SSRP1: variants seen among roughly 807,000 people sequenced by gnomAD.
The protein encoded by SSRP1 is FACT complex subunit SSRP1.
A neutral mutation model predicts 84.4 loss-of-function variants in SSRP1; 21 were observed. The ratio of observed to expected loss-of-function variants is 0.25; its 90% CI spans 0.18 to 0.36. The LOEUF is 0.36. Among genes scored for constraint, SSRP1 ranks in the 10% least tolerant of loss-of-function variants. The pLI is 1.00. For missense variants in SSRP1, 519 were observed against 900.8 expected, an observed-to-expected ratio of 0.58 and a Z score of 5.43; for synonymous variants, 319 against 318.3, an observed-to-expected ratio of 1.00 and a Z score of -0.02.
chr11:57,332,426 AGAG>A lies in SSRP1; in HGVS notation c.826_828del (p.Leu276del). On this transcript the variant is annotated inframe_deletion, in exon 7 of 17. Transcript: ENST00000278412. This position sits in a 1 kb window ranked among gnomAD's most constrained non-coding sequence, Gnocchi z 5.5. ...AACGAAATGTCCTCGTCCTTGGAGA[AGAG>A]GAGGATCAGGAAGTGGTAGCGAGTT... 2 of 1,614,150 alleles carry A rather than the reference AGAG, an allele frequency of 1.2e-6. No homozygotes were observed. The highest frequency in any genetic ancestry group is 1.7e-6 in the Non-Finnish European group (2 of 1,180,014).
At chr11:57,333,278 C>G in intron 4 of SSRP1, 129 bp from the exon 5 acceptor site, 1 of 1,174,344 alleles carries the variant, frequency 8.5e-7, no homozygotes, top group African/African-American at 1.5e-5. Flanking sequence ...ACCCCAACCC[C>G]AGGCAGTATA....
Position 57,332,607 on chromosome 11 carries a change from A to G in SSRP1, c.768+18T>C. Reference sequence around the variant, plus strand: ...AGGCAAAAACCAGGATTATCCGGCCATAGGGGTTTCTGCTTACCACAAAGA... The same window carrying G: ...AGGCAAAAACCAGGATTATCCGGCCGTAGGGGTTTCTGCTTACCACAAAGA... On this transcript the variant is annotated intron_variant, in intron 6 of 16. Transcript: ENST00000278412. The surrounding 1 kb of genome is among the most constrained non-coding windows in gnomAD (Gnocchi z 5.5). The G allele has an allele frequency of 1.2e-6, 2 of 1,608,810 alleles. No individual in the cohort carries two copies. The highest frequency in any genetic ancestry group is 1.3e-5 in the African/African-American group (1 of 74,958).
In SSRP1 at chr11:57,330,851, G is replaced by A. The variant is rs1156353247; in HGVS notation, c.1296+4C>T. 6.2e-7 allele frequency: 1 copy of A among 1,614,184 alleles called. No individual in the cohort carries two copies. Among genetic ancestry groups the A allele is most frequent in the Admixed American group, 1.7e-5 (1 of 60,030 alleles). ...AGGGTCTCATCCTCCCCACACAGAA[G>A]TACCTCTTTCAATCCTCGGTTTTTG... On this transcript the variant is annotated splice_donor_region_variant and intron_variant, in intron 10 of 16. Transcript: ENST00000278412. This position sits in a 1 kb window ranked among gnomAD's most constrained non-coding sequence, Gnocchi z 4.0.
rs1856076191 is a variant in SSRP1, at chr11:57,330,882, G to C, written c.1269C>G (p.Leu423=). 1.2e-6 allele frequency: 2 copies of C among 1,614,216 alleles called. No individual in the cohort carries two copies. The highest frequency in any genetic ancestry group is 2.2e-5 in the East Asian group (1 of 44,888). Residue 423 remains leucine (L), a synonymous_variant, in exon 10 of 17, where the codon CTC becomes CTG. Coordinates refer to ENST00000278412, the MANE Select transcript of SSRP1 (RefSeq NM_003146.3). This position sits in a 1 kb window ranked among gnomAD's most constrained non-coding sequence, Gnocchi z 4.0. ...CTTTCAATCCTCGGTTTTTGATGTT[G>C]AGCTTTTTCGCGTTGACAAAATCAA... ...KLFDFVNAKK[L]NIKNRGLKEG...
rs1590607144 is a variant in SSRP1 at position 57,330,208 on chromosome 11, G to A, written c.1436-70C>T. On this transcript the variant is annotated intron_variant, in intron 11 of 16. Coordinates refer to ENST00000278412, the MANE Select transcript of SSRP1 (RefSeq NM_003146.3). This position sits in a 1 kb window ranked among gnomAD's most constrained non-coding sequence, Gnocchi z 4.0. ...TCCCCCCACCTCACCCAGGCACCCA[G>A]CTCTGGCCCAAGGGTGAGTCCAGCC... 6.2e-7 allele frequency: 1 copy of A among 1,613,988 alleles called. No homozygotes were observed. Among genetic ancestry groups the A allele is most frequent in the African/African-American group, 1.3e-5 (1 of 75,054 alleles).
In SSRP1 at chr11:57,327,718, C is replaced by G. The variant is rs775776663; in HGVS notation, c.1776G>C (p.Lys592Asn). Reference sequence around the variant, plus strand: ...CTCCTCTGCTGCTACTCACCTCTTTCTTCTCTTTGGACATTCCCTTCCAGA... The same window carrying G: ...CTCCTCTGCTGCTACTCACCTCTTTGTTCTCTTTGGACATTCCCTTCCAGA... ...GEIWKGMSKE[K>N]KEEWDRKAED... The change falls in exon 14 of 17, where the codon AAG becomes AAC. Residue 592 changes from lysine to asparagine, a missense_variant. This residue lies in a region of SSRP1 where 197 missense variants were observed against 265.0 expected (regional missense o/e 0.74). Coordinates refer to ENST00000278412, the MANE Select transcript of SSRP1 (RefSeq NM_003146.3). 8.7e-6 allele frequency: 14 copies of G among 1,614,058 alleles called. No individual in the cohort carries two copies. The Admixed American group carries it at 2.3e-4, about 27-fold the overall frequency.
rs968597942 is a variant in SSRP1 at position 57,333,269 on chromosome 11, C to T, written c.347-120G>A. 6 of 1,222,120 alleles carry T rather than the reference C, an allele frequency of 4.9e-6. No individual in the cohort carries two copies. In the Admixed American group the frequency reaches 1.1e-4, roughly 22 times the overall value. 75.7% of individuals were successfully genotyped at this position (1,222,120 alleles called of 1,614,324 possible). On this transcript the variant is annotated intron_variant, in intron 4 of 16. Transcript: ENST00000278412. ...TGCGGTTAGTCTGTTTAGACTATAA[C>T]CCCAACCCCAGGCAGTATACTGTAG...
At chr11:57,328,659 T>C (rs1017996899) in intron 12 of SSRP1, 1 of 510,080 alleles carries the variant, frequency 2.0e-6, no homozygotes, top group Non-Finnish European at 3.3e-6. Context: ...TTGGAATTAA[T>C]GAATGAAAAA....
rs1856113160 is a variant in SSRP1 at position 57,332,472 on chromosome 11, G to A, written c.783C>T (p.Pro261=). The change falls in exon 7 of 17, where the codon CCC becomes CCT. Residue 261 remains proline, a synonymous_variant. Transcript: ENST00000278412. The surrounding 1 kb of genome is among the most constrained non-coding windows in gnomAD (Gnocchi z 5.5). Reference sequence around the variant, plus strand: ...AGCGAGTTTGGCCTTGCTTGATTGGGGGATCCAGGCTGATCTAGTAAGGAA... The same window carrying A: ...AGCGAGTTTGGCCTTGCTTGATTGGAGGATCCAGGCTGATCTAGTAAGGAA... ...RQMFFVISLD[P]PIKQGQTRYH... The A allele has an allele frequency of 5.6e-6, 9 of 1,613,898 alleles. No individual in the cohort carries two copies. The highest frequency in any genetic ancestry group is 7.6e-6 in the Non-Finnish European group (9 of 1,180,016).
chr11:57,330,149 G>A lies in SSRP1; in HGVS notation c.1436-11C>T. ...GGTTGAATGACTCATCTGAAAAAGG[G>A]CACAGGATGCATCAGCTTCTGCCCC... On this transcript the variant is annotated splice_polypyrimidine_tract_variant and intron_variant, in intron 11 of 16. Transcript: ENST00000278412. The surrounding 1 kb of genome is among the most constrained non-coding windows in gnomAD (Gnocchi z 4.0). 1 of 1,614,094 alleles carries A rather than the reference G, an allele frequency of 6.2e-7. No individual in the cohort carries two copies. Among genetic ancestry groups the A allele is most frequent in the Non-Finnish European group, 8.5e-7 (1 of 1,180,018 alleles).
chr11:57,326,318 G>T lies in SSRP1; in HGVS notation c.*89C>A. On this transcript the variant is annotated 3_prime_UTR_variant, in exon 17 of 17. Coordinates refer to ENST00000278412, the MANE Select transcript of SSRP1 (RefSeq NM_003146.3). ...TCAGATGGCACAGAATCCAGGGACTGCATTTCATGAGGAGAAACTGGTACC... is the reference window on the plus strand; with the variant it reads ...TCAGATGGCACAGAATCCAGGGACTTCATTTCATGAGGAGAAACTGGTACC... 1 of 1,250,718 alleles carries T rather than the reference G, an allele frequency of 8.0e-7. No individual in the cohort carries two copies. Among genetic ancestry groups the T allele is most frequent in the Non-Finnish European group, 1.2e-6 (1 of 858,492 alleles). The allele number at this position is 1,250,718 out of a possible 1,614,324, so 77.5% of individuals were successfully genotyped here.
In SSRP1 at chr11:57,332,221, T is replaced by C; in HGVS notation, c.932A>G (p.Tyr311Cys). The change falls in exon 8 of 17, where the codon TAT (tyrosine) becomes TGT (cysteine). Residue 311 changes from tyrosine (Y) to cysteine (C), a missense_variant. Physicochemically the swap from Tyr to Cys is radical, Grantham distance 194 (BLOSUM62 -2). This residue lies in a region of SSRP1 where 159 missense variants were observed against 359.0 expected (regional missense o/e 0.44). Coordinates refer to ENST00000278412, the MANE Select transcript of SSRP1 (RefSeq NM_003146.3). The surrounding 1 kb of genome is among the most constrained non-coding windows in gnomAD (Gnocchi z 5.5). ...RLTKNMSGSL[Y>C]EMVSRVMKAL... ...TTTCATGACCCGGCTGACCATCTCA[T>C]AGAGGGATCCTGACATGTTCTTGGT... 1.2e-6 allele frequency: 2 copies of C among 1,613,972 alleles called. No homozygotes were observed. Among genetic ancestry groups the C allele is most frequent in the Non-Finnish European group, 1.7e-6 (2 of 1,180,000 alleles).
In SSRP1 at chr11:57,332,286, A is replaced by G; in HGVS notation, c.873-6T>C. The G allele has an allele frequency of 1.2e-6, 2 of 1,613,966 alleles. No homozygotes were observed. Among genetic ancestry groups the G allele is most frequent in the South Asian group, 2.2e-5 (2 of 91,062 alleles). The stretch of plus-strand genomic sequence containing the variant: ...AGCGCTTCTCCACTTCTTCCCTACA[A>G]AGAAAGCAAGGTGAGGTCACAACAC... On this transcript the variant is annotated splice_polypyrimidine_tract_variant and splice_region_variant and intron_variant, in intron 7 of 16. Transcript: ENST00000278412. This position sits in a 1 kb window ranked among gnomAD's most constrained non-coding sequence, Gnocchi z 5.5.
rs1190621524 is a variant in SSRP1 at position 57,335,076 on chromosome 11, C to T, written c.46G>A (p.Gly16Ser). ...GTCCAAGCCATTCTCACCATGGAACCTTTCACCTCCTGATAGACGTCGTTG... is the reference window on the plus strand; with the variant it reads ...GTCCAAGCCATTCTCACCATGGAACTTTTCACCTCCTGATAGACGTCGTTG... ...EFNDVYQEVK[G>S]SMNDGRLRLS... Residue 16 changes from glycine (G) to serine (S), a missense_variant, in exon 2 of 17, where the codon GGT (glycine) becomes AGT (serine). Physicochemically the swap from Gly to Ser is moderately conservative, Grantham distance 56 (BLOSUM62 0). Coordinates refer to ENST00000278412, the MANE Select transcript of SSRP1 (RefSeq NM_003146.3). This position sits in a 1 kb window ranked among gnomAD's most constrained non-coding sequence, Gnocchi z 4.6. The T allele has an allele frequency of 6.2e-7, 1 of 1,614,000 alleles. No homozygotes were observed. The highest frequency in any genetic ancestry group is 8.5e-7 in the Non-Finnish European group (1 of 1,179,986).
chr11:57,327,460 C>G lies in SSRP1; in HGVS notation c.1837G>C (p.Glu613Gln). ...ARRDYEKAMK[E>Q]YEGGRGESSK... The stretch of plus-strand genomic sequence containing the variant: ...GACTCGCCTCGGCCCCCTTCATATT[C>G]TTTCATGGCTTTTTCATAGTCCCTC... The change falls in exon 15 of 17, where the codon GAA becomes CAA. Residue 613 changes from glutamate (E) to glutamine (Q), a missense_variant. Coordinates refer to ENST00000278412, the MANE Select transcript of SSRP1 (RefSeq NM_003146.3). 6.2e-7 allele frequency: 1 copy of G among 1,614,136 alleles called. No homozygotes were observed.
rs1157214193 is a variant in SSRP1 at position 57,326,084 on chromosome 11, C to T, written c.*323G>A. The T allele has an allele frequency of 5.6e-6, 2 of 356,198 alleles. No homozygotes were observed. The highest frequency in any genetic ancestry group is 8.4e-5 in the Admixed American group (2 of 23,820). 22.1% of individuals were successfully genotyped at this position (356,198 alleles called of 1,614,324 possible). ...CCCAGGTAGGAGCTACAGGCCTGGC[C>T]TCACATGACCCCTGCTCCAGCAACT... On this transcript the variant is annotated 3_prime_UTR_variant, in exon 17 of 17. Transcript: ENST00000278412.
intron 15 of SSRP1, chr11:57,327,204 TA>T: frequency 1.5e-6 from 1 of 657,902 alleles, no homozygotes; most frequent in Non-Finnish European, 2.6e-6. Flanking sequence ...TACCTTCAAA[TA>T]AAATGGTCCA....
rs1414628415 is a variant in SSRP1, at chr11:57,332,124, G to A, written c.1001+28C>T. The A allele has an allele frequency of 1.2e-6, 2 of 1,612,788 alleles. No individual in the cohort carries two copies. The highest frequency in any genetic ancestry group is 2.2e-5 in the South Asian group (2 of 90,988). ...ACACGGCATTTCCCATACCCAGGCA[G>A]GGCAGGATCCCAGGCCCACACTCTC... On this transcript the variant is annotated intron_variant, in intron 8 of 16. Transcript: ENST00000278412. This position sits in a 1 kb window ranked among gnomAD's most constrained non-coding sequence, Gnocchi z 5.5.
At chr11:57,334,687 A>T (rs1298886431) in intron 2 of SSRP1, 39 bp from the exon 3 acceptor site, 16 of 1,607,216 alleles carry the variant, frequency 1.0e-5, no homozygotes, top group Non-Finnish European at 1.4e-5. Flanking sequence ...GAGACAGTAC[A>T]CAGCATGTCC....
Sources: allele counts gnomAD v4.1 joint callset, GRCh38; gene constraint gnomAD v4.1.1; regional missense constraint gnomAD v4.1.1; non-coding constraint Gnocchi (gnomAD v3.1); transcripts MANE v1.5; gene names NCBI Gene and HGNC (gene_info 2026-07-23, HGNC 2026-07-21).